The following OSBPL8 variants were observed in gnomAD, a reference collection of about 807,000 sequenced individuals.
OSBPL8 encodes oxysterol binding protein like 8, also known as oxysterol-binding protein-related protein 8.
OSBPL8 carries 59 observed loss-of-function variants against 125.5 expected under a neutral mutation model. The ratio of observed to expected loss-of-function variants is 0.47; its 90% confidence interval spans 0.38 to 0.58. The LOEUF (loss-of-function observed/expected upper bound fraction) is 0.58. Ranked by LOEUF, OSBPL8 falls within the 20% of genes least tolerant of loss-of-function variation. The pLI, the probability that OSBPL8 is intolerant of heterozygous loss-of-function variation, is 0.00. For missense variants in OSBPL8, 758 were observed against 1,047.8 expected, an observed-to-expected ratio of 0.72 and a Z score of 3.82; for synonymous variants, 330 against 338.9, an observed-to-expected ratio of 0.97 and a Z score of 0.29.
chr12:76,469,711 C>T (rs993098688), intron 2 of OSBPL8, among the ~76,000 whole-genome samples: 6 of 152,158 alleles, frequency 3.9e-5, no homozygotes, highest in Admixed American at 3.9e-4. Context: ...TCTTACCCTG[C>T]TTTATTTTTC....
intron 3 of OSBPL8, among the ~76,000 whole-genome samples, chr12:76,452,925 T>C (rs975377487): frequency 5.3e-5 from 8 of 152,124 alleles, no homozygotes; most frequent in African/African-American, 1.9e-4. Context: ...TCAAAGGTCA[T>C]CTCTTCAGAA....
intron 2 of OSBPL8, among the ~76,000 whole-genome samples, chr12:76,464,862 C>T (rs1041809686): frequency 6.6e-6 from 1 of 152,204 alleles, no homozygotes; most frequent in African/African-American, 2.4e-5. Flanking sequence ...AGCAATCCTA[C>T]TGCAGCTGGC....
intron 4 of OSBPL8, among the ~76,000 whole-genome samples, chr12:76,437,397 A>C (rs1377019094): frequency 6.6e-6 from 1 of 152,146 alleles, no homozygotes; most frequent in South Asian, 2.1e-4. Context: ...GTGATTCTTA[A>C]TGATGTTGAG....
chr12:76,378,546 G>A lies in OSBPL8; in HGVS notation c.1635C>T (p.Asn545=), dbSNP rs577445324. 4.4e-6 allele frequency: 7 copies of A among 1,578,192 alleles called. No individual in the cohort carries two copies. In the Admixed American group the frequency reaches 9.0e-5, roughly 20 times the overall value. ...CTCCCTCTAATATTGCAGATAATGA[G>A]TTTCCTGAAATAAAATGTTGTTTAT... The part of the protein sequence containing the change: ...SILAKSKFYG[N]SLSAILEGEA... Residue 545 remains asparagine, a synonymous_variant, in exon 16 of 24, where the codon AAC becomes AAT. Coordinates refer to ENST00000261183, the MANE Select transcript of OSBPL8 (RefSeq NM_020841.5).
chr12:76,391,456 T>C (rs1244775576), intron 10 of OSBPL8, among the ~76,000 whole-genome samples: 2 of 152,014 alleles, frequency 1.3e-5, no homozygotes, highest in African/African-American at 4.8e-5. Flanking sequence ...TACTTGGGAT[T>C]AAGATAAAGC....
chr12:76,523,272 G>A (rs1267050645), intron 1 of OSBPL8, among the ~76,000 whole-genome samples: 1 of 152,046 alleles, frequency 6.6e-6, no homozygotes, highest in Non-Finnish European at 1.5e-5. Flanking sequence ...GAGTAGGGAA[G>A]GAAAGTTTAC....
At chr12:76,488,944 TA>T (rs1194468880) in intron 1 of OSBPL8, among the ~76,000 whole-genome samples, 2 of 152,166 alleles carry the variant, frequency 1.3e-5, no homozygotes, top group African/African-American at 4.8e-5. Context: ...GAATGCAAAG[TA>T]AAAGTTCTTG....
intron 3 of OSBPL8, among the ~76,000 whole-genome samples, chr12:76,457,272 T>C (rs1874171132): frequency 6.6e-6 from 1 of 152,124 alleles, no homozygotes; most frequent in African/African-American, 2.4e-5. Flanking sequence ...CGATTTAATA[T>C]TGTATCTTTA....
chr12:76,462,091 T>C (rs1278784988), intron 2 of OSBPL8, among the ~76,000 whole-genome samples: 2 of 152,216 alleles, frequency 1.3e-5, no homozygotes, highest in Non-Finnish European at 2.9e-5. Context: ...GCAGTGGTTC[T>C]AATTGTGTGT....
At chr12:76,447,046 A>C (rs1872793494) in intron 4 of OSBPL8, among the ~76,000 whole-genome samples, 1 of 152,218 alleles carries the variant, frequency 6.6e-6, no homozygotes. Context: ...CTTGTCTTTA[A>C]AGATTTCATT....
chr12:76,418,628 C>T (rs934524126), intron 4 of OSBPL8, among the ~76,000 whole-genome samples: 4 of 151,894 alleles, frequency 2.6e-5, no homozygotes, highest in East Asian at 2.0e-4. Flanking sequence ...GTCAGGAGTT[C>T]GAGACCAGCC....
chr12:76,432,808 A>T lies in OSBPL8; in HGVS notation c.217+18043T>A, dbSNP rs527501466. On this transcript the variant is annotated intron_variant, in intron 4 of 23. Coordinates refer to ENST00000261183, the MANE Select transcript of OSBPL8 (RefSeq NM_020841.5). ...GAAAAAAGAAGATTCACATAAAATC[A>T]GAAAAAATAGATATTACAACTATGA... Among the ~76,000 whole-genome samples, 21 of 152,320 alleles carry T rather than the reference A, an allele frequency of 1.4e-4. No homozygotes were observed. In the South Asian group the frequency reaches 4.3e-3, roughly 32 times the overall value.
At chr12:76,420,092 A>G (rs10861494) in intron 4 of OSBPL8, among the ~76,000 whole-genome samples, 15,756 of 152,244 alleles carry the variant, frequency 0.1, 1,210 homozygotes, top group East Asian at 0.37. Context: ...TGGTTCATTA[A>G]TACTGTGATA....
chr12:76,552,262 C>T (rs983513091), intron 1 of OSBPL8, among the ~76,000 whole-genome samples: 1 of 151,088 alleles, frequency 6.6e-6, no homozygotes, highest in African/African-American at 2.4e-5. Context: ...CCATCTCTAC[C>T]AAAAATACAA....
At chr12:76,540,487 C>CGTGTGTGTGT (rs59101769) in intron 1 of OSBPL8, among the ~76,000 whole-genome samples, 32 of 141,742 alleles carry the variant, frequency 2.3e-4, no homozygotes, top group African/African-American at 7.8e-4. Context: ...ATTATATAGT[C>CGTGTGTGTGT]GTGTGTGTGT....
chr12:76,431,835 TCAAC>T (rs1355452101), intron 4 of OSBPL8, among the ~76,000 whole-genome samples: 1 of 151,962 alleles, frequency 6.6e-6, no homozygotes. Flanking sequence ...AGTGGATAGA[TCAAC>T]CAAACAGAAA....
intron 1 of OSBPL8, among the ~76,000 whole-genome samples, chr12:76,499,740 G>A (rs923372972): frequency 6.6e-6 from 1 of 152,014 alleles, no homozygotes; most frequent in South Asian, 2.1e-4. Flanking sequence ...TGTAATCCCA[G>A]CTACTCGGGA....
chr12:76,384,160 T>C (rs1332644079), intron 15 of OSBPL8, 94 bp downstream of exon 15: 11 of 596,268 alleles, frequency 1.8e-5, no homozygotes, highest in Non-Finnish European at 3.0e-5. Flanking sequence ...GACAAACTCC[T>C]TGTTGAAAAT....
intron 21 of OSBPL8, among the ~76,000 whole-genome samples, chr12:76,367,875 T>A (rs1050111182): frequency 2.6e-5 from 4 of 152,366 alleles, no homozygotes; most frequent in African/African-American, 7.2e-5. Context: ...ATGAACTATA[T>A]CTTTACACAT....
Sources: gnomAD v4.1 joint callset for allele counts (sites outside exome capture counted in the v4.1 genomes callset) on GRCh38, gnomAD v4.1.1 for gene constraint, MANE v1.5 for transcripts, NCBI Gene and HGNC (gene_info 2026-07-23, HGNC 2026-07-21) for gene names.